The following MED1 variants were observed in gnomAD, a reference collection of about 807,000 sequenced individuals.
The protein encoded by MED1 is mediator of RNA polymerase II transcription subunit 1.
In MED1, 17 loss-of-function variants were observed where a neutral mutation model predicts 121.3. That is an observed-to-expected ratio of 0.14 (90% CI 0.10 to 0.21). MED1 has a LOEUF of 0.21. MED1 is among the 10% of genes least tolerant of loss of function. The pLI, the probability that MED1 is intolerant of heterozygous loss-of-function variation, is 1.00. For synonymous variants in MED1, 661 were observed against 694.4 expected (o/e 0.95, Z 0.76); for missense variants, 1,558 against 1,919.4 (o/e 0.81, Z 3.52).
chr17:39,409,062 T>C lies in MED1; in HGVS notation c.3159A>G (p.Pro1053=). ...TGGGAATGGGTGGTGTGGCAACACC[T>C]GGGGGAGTCTGAGATCTTCCTGCAC... ...PGSAGRSQTP[P]GVATPPIPKI... The change falls in exon 17 of 17, where the codon CCA becomes CCG. Residue 1053 remains proline, a synonymous_variant. Coordinates refer to ENST00000300651, the MANE Select transcript of MED1 (RefSeq NM_004774.4). The C allele has an allele frequency of 6.2e-7, 1 of 1,614,152 alleles. No homozygotes were observed. Among genetic ancestry groups the C allele is most frequent in the Non-Finnish European group, 8.5e-7 (1 of 1,180,028 alleles).
At chr17:39,430,965 GC>G (rs2048560104) in intron 9 of MED1, 149 bp downstream of exon 9, 1 of 637,926 alleles carries the variant, frequency 1.6e-6, no homozygotes, top group Admixed American at 2.7e-5. Context: ...GGAGCAGTAA[GC>G]CGAGATCATG....
rs2048567616 is a variant in MED1, at chr17:39,431,841, T to C, written c.575+101A>G. 4.2e-6 allele frequency: 3 copies of C among 716,264 alleles called. No homozygotes were observed. In the South Asian group the frequency reaches 5.9e-5, roughly 14 times the overall value. 44.4% of individuals were successfully genotyped at this position (716,264 alleles called of 1,614,324 possible). A position where few individuals can be genotyped will look rare whatever the true frequency, so the allele number is the denominator to read the frequency against. ...TCATCATTTTGGAAGAGAAAGGACA[T>C]ATTATCATACAGGCTTAATAGAGAT... On this transcript the variant is annotated intron_variant, in intron 8 of 16. Transcript: ENST00000300651.
chr17:39,451,099 G>A lies in MED1; in HGVS notation c.-37C>T. 1 of 1,606,780 alleles carries A rather than the reference G, an allele frequency of 6.2e-7. No homozygotes were observed. Among genetic ancestry groups the A allele is most frequent in the Non-Finnish European group, 8.5e-7 (1 of 1,176,734 alleles). ...GGAGAAGCTAGATCCGCCACAAAAG[G>A]ATAAGCCCTTCCCCACCACTAACGG... On this transcript the variant is annotated 5_prime_UTR_variant, in exon 1 of 17. Coordinates refer to ENST00000300651, the MANE Select transcript of MED1 (RefSeq NM_004774.4).
intron 9 of MED1, among the ~76,000 whole-genome samples, chr17:39,428,509 C>T (rs768557795): frequency 3.0e-4 from 46 of 151,602 alleles, no homozygotes; most frequent in Non-Finnish European, 5.5e-4. Flanking sequence ...AATAATTAGC[C>T]TGGCATGCTG....
chr17:39,447,628 T>C (rs530841488), intron 2 of MED1, among the ~76,000 whole-genome samples, 170 bp downstream of exon 2: 1 of 152,214 alleles, frequency 6.6e-6, no homozygotes, highest in South Asian at 2.1e-4. Flanking sequence ...AAGCATTTCA[T>C]ATAAGGGATA....
At chr17:39,432,097 C>T (rs937008101) in intron 7 of MED1, 81 bp from the exon 8 acceptor site, 2 of 996,806 alleles carry the variant, frequency 2.0e-6, no homozygotes, top group African/African-American at 1.6e-5. Flanking sequence ...AATCCCAGCA[C>T]CTTGGGAGGC....
At chr17:39,445,695 GA>G (rs1281451513) in intron 2 of MED1, 1 of 152,032 alleles carries the variant, frequency 6.6e-6, no homozygotes. Context: ...ATCATTTACA[GA>G]ACATATTTCA....
Position 39,409,883 on chromosome 17 carries a change from T to C in MED1, c.2338A>G (p.Thr780Ala). Reference sequence around the variant, plus strand: ...TCTGCAATGTCTGAAAGGATGTCAGTTACATCTGGGCCAATGCTGTCTGAA... The same window carrying C: ...TCTGCAATGTCTGAAAGGATGTCAGCTACATCTGGGCCAATGCTGTCTGAA... ...SSSDSIGPDV[T>A]DILSDIAEEA... Residue 780 changes from threonine to alanine, a missense_variant, in exon 17 of 17, where the codon ACT (threonine) becomes GCT (alanine). By Grantham distance (58) the Thr-to-Ala change is moderately conservative. Coordinates refer to ENST00000300651, the MANE Select transcript of MED1 (RefSeq NM_004774.4). The C allele has an allele frequency of 6.2e-7, 1 of 1,614,128 alleles. No homozygotes were observed. Among genetic ancestry groups the C allele is most frequent in the Non-Finnish European group, 8.5e-7 (1 of 1,180,006 alleles).
Position 39,408,575 on chromosome 17 carries a change from G to A in MED1, c.3646C>T (p.Pro1216Ser). 1 of 1,614,190 alleles carries A rather than the reference G, an allele frequency of 6.2e-7. No individual in the cohort carries two copies. The highest frequency in any genetic ancestry group is 8.5e-7 in the Non-Finnish European group (1 of 1,180,036). ...GGGGACTTGGCTTTAGAGGATGGAG[G>A]AGTTCCAGGAACAGGCTTCATTGGA... ...ASPMKPVPGT[P>S]PSSKAKSPIS... Residue 1216 changes from proline (P) to serine (S), a missense_variant, in exon 17 of 17, where the codon CCT (proline) becomes TCT (serine). By Grantham distance (74) the Pro-to-Ser change is moderately conservative. Coordinates refer to ENST00000300651, the MANE Select transcript of MED1 (RefSeq NM_004774.4). This position sits in a 1 kb window ranked among gnomAD's most constrained non-coding sequence, Gnocchi z 4.7.
At chr17:39,447,458 T>C (rs891706559) in intron 2 of MED1, among the ~76,000 whole-genome samples, 4 of 151,898 alleles carry the variant, frequency 2.6e-5, no homozygotes, top group African/African-American at 9.7e-5. Context: ...TTATTAAATA[T>C]GTTGTATAAA....
chr17:39,437,194 A>T (rs1252363066), intron 6 of MED1, among the ~76,000 whole-genome samples: 1 of 152,100 alleles, frequency 6.6e-6, no homozygotes, highest in Non-Finnish European at 1.5e-5. Flanking sequence ...GGCTTCCCAA[A>T]GTGCTGGGAT....
intron 3 of MED1, among the ~76,000 whole-genome samples, chr17:39,441,106 A>G (rs2048670360): frequency 2.6e-5 from 4 of 152,216 alleles, no homozygotes. Flanking sequence ...ATGTATATAC[A>G]TAAAGAGGAG....
intron 7 of MED1, among the ~76,000 whole-genome samples, chr17:39,433,229 C>T (rs915341767): frequency 1.3e-5 from 2 of 150,434 alleles, no homozygotes; most frequent in Non-Finnish European, 3.0e-5. Context: ...ATTAGCCGGG[C>T]GTGGTGGCGC....
chr17:39,411,520 G>T (rs2048355446), intron 16 of MED1, among the ~76,000 whole-genome samples: 2 of 152,002 alleles, frequency 1.3e-5, no homozygotes, highest in Non-Finnish European at 1.5e-5. Context: ...TACTCAGGAA[G>T]GGTAGACAGG....
Position 39,430,541 on chromosome 17 carries a change from A to C in MED1, c.649+574T>G, listed in dbSNP as rs192942582. Among the ~76,000 whole-genome samples, 672 of 151,664 alleles carry C rather than the reference A, an allele frequency of 4.4e-3. 2 individuals carry two copies. The highest frequency in any genetic ancestry group is 0.015 in the African/African-American group (637 of 41,276). On this transcript the variant is annotated intron_variant, in intron 9 of 16. Transcript: ENST00000300651. Reference sequence around the variant, plus strand: ...CCCGTCTCCACTAAAAAATACAAAAAAATTAGCCAGGCGTGGTGGCGGGCG... The same window carrying C: ...CCCGTCTCCACTAAAAAATACAAAACAATTAGCCAGGCGTGGTGGCGGGCG...
chr17:39,409,401 A>G lies in MED1; in HGVS notation c.2820T>C (p.Ala940=), dbSNP rs2048334216. Residue 940 remains alanine (A), a synonymous_variant, in exon 17 of 17, where the codon GCT becomes GCC. Coordinates refer to ENST00000300651, the MANE Select transcript of MED1 (RefSeq NM_004774.4). ...DFSIISVAGK[A]LAPADLMEHH... ...GCTCCATAAGATCTGCAGGAGCTAA[A>G]GCTTTGCCGGCTACTGAAATAATAC... 6.2e-7 allele frequency: 1 copy of G among 1,614,152 alleles called. No homozygotes were observed. Among genetic ancestry groups the G allele is most frequent in the Non-Finnish European group, 8.5e-7 (1 of 1,180,034 alleles).
At chr17:39,416,415 ATATC>A (rs1306518852) in intron 14 of MED1, among the ~76,000 whole-genome samples, 1 of 152,202 alleles carries the variant, frequency 6.6e-6, no homozygotes, top group East Asian at 1.9e-4. Context: ...TATTCCACAT[ATATC>A]TAGCCATCAT....
intron 6 of MED1, among the ~76,000 whole-genome samples, chr17:39,435,340 C>A (rs1328735153): frequency 6.6e-6 from 1 of 152,080 alleles, no homozygotes; most frequent in Admixed American, 6.6e-5. Flanking sequence ...CAGATCTACC[C>A]TAGAAAACAT....
chr17:39,420,171 G>T (rs1046178851), intron 13 of MED1, among the ~76,000 whole-genome samples: 2 of 150,578 alleles, frequency 1.3e-5, no homozygotes, highest in African/African-American at 4.9e-5. Context: ...TATTAAAGAG[G>T]TTCCTAAACC....
Sources: allele counts gnomAD v4.1 joint callset (sites outside exome capture counted in the v4.1 genomes callset), GRCh38; gene constraint gnomAD v4.1.1; non-coding constraint Gnocchi (gnomAD v3.1); transcripts MANE v1.5; gene names NCBI Gene and HGNC (gene_info 2026-07-23, HGNC 2026-07-21).